Variants in PRKG1 observed in about 807,000 individuals in gnomAD.
PRKG1 encodes the protein cGMP-dependent protein kinase 1.
Under a neutral mutation model 88.1 loss-of-function variants are expected in PRKG1, and 35 were observed. The observed-to-expected ratio is 0.40, with a 90% CI of 0.30 to 0.53. PRKG1 has a LOEUF of 0.53. PRKG1 is among the 20% of genes least tolerant of loss of function. The probability of loss-of-function intolerance (pLI) is 0.59; values close to 1 mark genes in which losing one functional copy is unlikely to be tolerated. For missense variants in PRKG1, 540 were observed against 839.8 expected (o/e 0.64, Z 4.41); for synonymous variants, 303 against 292.5 (o/e 1.04, Z -0.37).
At chr10:51,818,182 T>C (rs1239859856) in intron 4 of PRKG1, among the ~76,000 whole-genome samples, 1 of 152,174 alleles carries the variant, frequency 6.6e-6, no homozygotes, top group Non-Finnish European at 1.5e-5. Flanking sequence ...GCTTTTGTAT[T>C]AGATAAGAAG....
At position 51,724,969 on chromosome 10, in the gene PRKG1, C is replaced by T. The variant is rs140444941; in HGVS notation, c.593-79616C>T. Among the ~76,000 whole-genome samples, 807 of 151,840 alleles carry T rather than the reference C, an allele frequency of 5.3e-3. 10 individuals carry two copies. Among genetic ancestry groups the T allele is most frequent in the Non-Finnish European group, 7.7e-3 (525 of 67,922 alleles). On this transcript the variant is annotated intron_variant, in intron 3 of 17. Transcript: ENST00000373980. ...AAGTAATCCTCCTGCCTTGGCCTCC[C>T]AAACTGTTGGGATTGCAGGCGTGAG...
At chr10:51,908,290 C>A (rs1842129287) in intron 5 of PRKG1, 1 of 152,134 alleles carries the variant, frequency 6.6e-6, no homozygotes, top group Non-Finnish European at 1.5e-5. Context: ...AAATTTCAAA[C>A]TTTTTCTCTA....
At chr10:52,274,493 A>C (rs1841817876) in intron 12 of PRKG1, among the ~76,000 whole-genome samples, 1 of 150,350 alleles carries the variant, frequency 6.7e-6, no homozygotes, top group South Asian at 2.1e-4. Flanking sequence ...CATCATATAT[A>C]TACATATATA....
intron 5 of PRKG1, among the ~76,000 whole-genome samples, chr10:51,951,028 G>A (rs749302247): frequency 7.2e-5 from 11 of 152,210 alleles, no homozygotes; most frequent in Non-Finnish European, 1.2e-4. Flanking sequence ...AGGTAGTATG[G>A]GAAAAGACAA....
At chr10:51,700,714 T>G (rs1841443867) in intron 3 of PRKG1, among the ~76,000 whole-genome samples, 1 of 152,220 alleles carries the variant, frequency 6.6e-6, no homozygotes, top group Admixed American at 6.5e-5. Flanking sequence ...TACACTGCCT[T>G]ACGTGTATTG....
At chr10:51,389,500 T>A (rs1043524904) in intron 2 of PRKG1, among the ~76,000 whole-genome samples, 1 of 152,110 alleles carries the variant, frequency 6.6e-6, no homozygotes, top group African/African-American at 2.4e-5. Flanking sequence ...GCTGTACAGT[T>A]TCCTTGGTAT....
At chr10:51,523,838 T>C (rs1841801214) in intron 3 of PRKG1, among the ~76,000 whole-genome samples, 1 of 152,180 alleles carries the variant, frequency 6.6e-6, no homozygotes, top group South Asian at 2.1e-4. Flanking sequence ...ATGATTTCCA[T>C]AGTTTAAACA....
chr10:52,211,699 T>TAAAAAA (rs57320498), intron 9 of PRKG1, among the ~76,000 whole-genome samples: 11 of 119,960 alleles, frequency 9.2e-5, no homozygotes, highest in South Asian at 2.7e-4. Flanking sequence ...CCTATCCTGG[T>TAAAAAA]AAAAAAAAAA....
intron 2 of PRKG1, among the ~76,000 whole-genome samples, chr10:51,401,386 C>G (rs1285127955): frequency 6.6e-6 from 1 of 152,076 alleles, no homozygotes; most frequent in African/African-American, 2.4e-5. Context: ...GCTTGGAGAC[C>G]AGGAAGTGGG....
intron 2 of PRKG1, among the ~76,000 whole-genome samples, chr10:51,284,087 A>G (rs1840371083): frequency 6.6e-6 from 1 of 152,246 alleles, no homozygotes; most frequent in Admixed American, 6.5e-5. Context: ...GAATTTGGAA[A>G]TAAAATATTT....
chr10:51,740,156 T>C (rs1186985642), intron 3 of PRKG1, among the ~76,000 whole-genome samples: 1 of 152,046 alleles, frequency 6.6e-6, no homozygotes, highest in Non-Finnish European at 1.5e-5. Flanking sequence ...GCATCCTGGG[T>C]AGCTGGGACT....
intron 2 of PRKG1, among the ~76,000 whole-genome samples, chr10:51,157,797 A>C (rs1179347438): frequency 2.0e-5 from 3 of 151,704 alleles, no homozygotes; most frequent in Admixed American, 2.0e-4. Context: ...TTTCGATGAA[A>C]TCATCAATTT....
chr10:51,184,451 C>T (rs146589619), intron 2 of PRKG1, among the ~76,000 whole-genome samples: 28 of 151,576 alleles, frequency 1.8e-4, no homozygotes, highest in African/African-American at 6.1e-4. Flanking sequence ...TCAGCATCAC[C>T]GTATTTTGTT....
chr10:51,900,364 A>G (rs1841953735), intron 4 of PRKG1, among the ~76,000 whole-genome samples: 1 of 152,156 alleles, frequency 6.6e-6, no homozygotes, highest in Non-Finnish European at 1.5e-5. Flanking sequence ...TAGTTGCAAT[A>G]TGGACTCTGA....
chr10:51,954,420 T>TA (rs1203875972), intron 5 of PRKG1, among the ~76,000 whole-genome samples: 1 of 152,068 alleles, frequency 6.6e-6, no homozygotes, highest in East Asian at 1.9e-4. Context: ...TTACTAAAAT[T>TA]AAAAAAAGAA....
intron 1 of PRKG1, among the ~76,000 whole-genome samples, chr10:51,051,567 G>C (rs536877391): frequency 1.3e-5 from 2 of 152,030 alleles, no homozygotes; most frequent in Admixed American, 1.3e-4. Flanking sequence ...CTTCTCCAAA[G>C]TAATTCCTAC....
intron 7 of PRKG1, among the ~76,000 whole-genome samples, chr10:52,106,241 G>T (rs933230774): frequency 6.6e-6 from 1 of 152,184 alleles, no homozygotes. Context: ...TGTTGGAGAT[G>T]TTGGAAAACA....
intron 9 of PRKG1, among the ~76,000 whole-genome samples, chr10:52,200,715 C>T (rs549201115): frequency 1.3e-5 from 2 of 152,252 alleles, no homozygotes; most frequent in South Asian, 4.1e-4. Flanking sequence ...ACCTCACCAG[C>T]ATGTTATTTT....
At chr10:51,425,256 A>G (rs116319472) in intron 2 of PRKG1, among the ~76,000 whole-genome samples, 1 of 152,186 alleles carries the variant, frequency 6.6e-6, no homozygotes, top group East Asian at 1.9e-4. Context: ...ACAAATTATT[A>G]ATGTTTCTGA....
Sources: allele counts gnomAD v4.1 joint callset (sites outside exome capture counted in the v4.1 genomes callset), GRCh38; gene constraint gnomAD v4.1.1; transcripts MANE v1.5; gene names NCBI Gene and HGNC (gene_info 2026-07-23, HGNC 2026-07-21).